NALCN: variants seen among roughly 807,000 people sequenced by gnomAD.
NALCN encodes the protein sodium leak channel, non-selective, also known as sodium leak channel NALCN.
In NALCN, 111 loss-of-function variants were observed where a neutral mutation model predicts 225.3. The ratio of observed to expected loss-of-function variants is 0.49; its 90% CI spans 0.42 to 0.58. The LOEUF (loss-of-function observed/expected upper bound fraction) is 0.58, where lower values mean the gene tolerates loss of function less well. Ranked by LOEUF, NALCN falls within the 20% of genes least tolerant of loss-of-function variation. NALCN has a pLI of 0.00. For synonymous variants in NALCN, 764 were observed against 769.0 expected, an observed-to-expected ratio of 0.99 and a Z score of 0.11; for missense variants, 1,378 against 2,202.4, an observed-to-expected ratio of 0.63 and a Z score of 7.49.
At chr13:101,355,628 T>C (rs766528283) in intron 6 of NALCN, among the ~76,000 whole-genome samples, 4 of 152,084 alleles carry the variant, frequency 2.6e-5, no homozygotes, top group Non-Finnish European at 4.4e-5. Context: ...CTGTCAATAT[T>C]AGACAGATTA....
At chr13:101,097,302 T>C (rs926493336) in intron 27 of NALCN, among the ~76,000 whole-genome samples, 6 of 152,194 alleles carry the variant, frequency 3.9e-5, no homozygotes, top group Non-Finnish European at 7.3e-5. Flanking sequence ...GCTCATAAAG[T>C]TTATATTCTT....
intron 1 of NALCN, among the ~76,000 whole-genome samples, chr13:101,400,597 GCA>G (rs1566655268): frequency 6.6e-6 from 1 of 151,142 alleles, no homozygotes; most frequent in African/African-American, 2.4e-5. Context: ...GTGTGCGCGC[GCA>G]CACAGATGCA....
In NALCN at chr13:101,345,346, G is replaced by T; in HGVS notation, c.719C>A (p.Pro240Gln). The T allele has an allele frequency of 6.2e-7, 1 of 1,613,776 alleles. No homozygotes were observed. The highest frequency in any genetic ancestry group is 8.5e-7 in the Non-Finnish European group (1 of 1,179,806). Residue 240 changes from proline (P) to glutamine (Q), a missense_variant, in exon 7 of 44, where the codon CCA becomes CAA. By Grantham distance (76) the Pro-to-Gln change is moderately conservative. This residue lies in a region of NALCN where 67 missense variants were observed against 82.1 expected (regional missense o/e 0.82). Transcript: ENST00000251127. ...AAGGTCCATGCATTTAAATCCAGGT[G>T]GGCACTGGTAGCCTTCTTCTAGCTC... Reference protein sequence around the residue: ...SPELEEGYQCPPGFKCMDLED... With the variant: ...SPELEEGYQCQPGFKCMDLED...
In NALCN at chr13:101,176,354, A is replaced by G; in HGVS notation, c.1785T>C (p.Val595=). 6.2e-7 allele frequency: 1 copy of G among 1,600,548 alleles called. No homozygotes were observed. Among genetic ancestry groups the G allele is most frequent in the Non-Finnish European group, 8.5e-7 (1 of 1,175,320 alleles). Residue 595 remains valine (V), a synonymous_variant, in exon 15 of 44, where the codon GTT becomes GTC. Transcript: ENST00000251127. ...FATLILLSLF[V]AVILDNLELD... Reference sequence around the variant, plus strand: ...GTTCTAAGTTGTCCAAAATAACAGCAACAAACAAACTCAGGAGGATCTATA... The same window carrying G: ...GTTCTAAGTTGTCCAAAATAACAGCGACAAACAAACTCAGGAGGATCTATA...
At chr13:101,304,299 T>C (rs1481436898) in intron 7 of NALCN, among the ~76,000 whole-genome samples, 1 of 152,188 alleles carries the variant, frequency 6.6e-6, no homozygotes, top group Non-Finnish European at 1.5e-5. Flanking sequence ...CTGGGATACA[T>C]GTGCAGAATG....
intron 17 of NALCN, among the ~76,000 whole-genome samples, chr13:101,141,262 C>T (rs907846439): frequency 6.6e-6 from 1 of 152,170 alleles, no homozygotes; most frequent in Non-Finnish European, 1.5e-5. Flanking sequence ...TGAAAAAAGA[C>T]ATATAAGGTA....
chr13:101,176,854 T>C (rs2038978377), intron 14 of NALCN, among the ~76,000 whole-genome samples: 1 of 152,230 alleles, frequency 6.6e-6, no homozygotes, highest in Non-Finnish European at 1.5e-5. Flanking sequence ...GTAGCTACTC[T>C]TCAAGATGGC....
rs1296991952 is a variant in NALCN at position 101,415,224 on chromosome 13, TAC to T, written c.-40+1087_-40+1088del. On this transcript the variant is annotated intron_variant, in intron 1 of 43. Coordinates refer to ENST00000251127, the MANE Select transcript of NALCN (RefSeq NM_052867.4). ...AATCACACACATATATATATATATA[TAC>T]ATACATATATATTTCAAAATCGCCA... Among the ~76,000 whole-genome samples the T allele has an allele frequency of 1.6e-4, 12 of 76,764 alleles. 1 individual carries two copies. The highest frequency in any genetic ancestry group is 9.1e-4 in the African/African-American group (11 of 12,078). 50.4% of individuals were successfully genotyped at this position (76,764 alleles called of 152,430 possible).
intron 1 of NALCN, among the ~76,000 whole-genome samples, chr13:101,411,785 T>G (rs2047795314): frequency 6.6e-6 from 1 of 152,222 alleles, no homozygotes; most frequent in Non-Finnish European, 1.5e-5. Context: ...AACAATTTTT[T>G]GAACTGTTTT....
chr13:101,266,719 C>T (rs1223859837), intron 10 of NALCN, among the ~76,000 whole-genome samples: 1 of 152,226 alleles, frequency 6.6e-6, no homozygotes, highest in East Asian at 1.9e-4. Flanking sequence ...TCTCAGAAAC[C>T]ATCTTGCATA....
chr13:101,354,299 T>C (rs1156519075), intron 6 of NALCN, among the ~76,000 whole-genome samples: 1 of 152,162 alleles, frequency 6.6e-6, no homozygotes, highest in Non-Finnish European at 1.5e-5. Flanking sequence ...GCCAACATCA[T>C]GCCACTGAAC....
intron 15 of NALCN, among the ~76,000 whole-genome samples, chr13:101,160,168 A>C (rs367595731): frequency 8.6e-5 from 13 of 151,938 alleles, no homozygotes; most frequent in South Asian, 4.2e-4. Flanking sequence ...GTTAGCCAGG[A>C]TGGTCTCGAT....
chr13:101,347,862 T>G (rs2139310626), intron 6 of NALCN, among the ~76,000 whole-genome samples: 1 of 152,308 alleles, frequency 6.6e-6, no homozygotes, highest in Admixed American at 6.5e-5. Context: ...ACTCAAATAA[T>G]GCTTGATCTA....
At chr13:101,384,508 TAC>T (rs1274358552) in intron 3 of NALCN, among the ~76,000 whole-genome samples, 1 of 152,196 alleles carries the variant, frequency 6.6e-6, no homozygotes, top group African/African-American at 2.4e-5. Context: ...TATGCACTGG[TAC>T]AGTTTCATGA....
intron 14 of NALCN, among the ~76,000 whole-genome samples, chr13:101,187,123 A>T (rs2039482335): frequency 6.6e-6 from 1 of 152,316 alleles, no homozygotes; most frequent in South Asian, 2.1e-4. Flanking sequence ...GAAAATATTA[A>T]GACATTTTGA....
chr13:101,107,487 G>A lies in NALCN; in HGVS notation c.2579C>T (p.Ala860Val), dbSNP rs186621340. 112 of 1,614,020 alleles carry A rather than the reference G, an allele frequency of 6.9e-5. No individual in the cohort carries two copies. Among genetic ancestry groups the A allele is most frequent in the African/African-American group, 4.3e-4 (32 of 75,040 alleles). Residue 860 changes from alanine to valine, a missense_variant and splice_region_variant, in exon 22 of 44, where the codon GCA becomes GTA. Ala to Val is a moderately conservative substitution (Grantham distance 64, BLOSUM62 0). Coordinates refer to ENST00000251127, the MANE Select transcript of NALCN (RefSeq NM_052867.4). ...CRVVVRARFN[A>V]SKTDPVTGAV... The stretch of plus-strand genomic sequence containing the variant: ...CCTGGCTGAAATGAAGTGTACTTAC[G>A]CGTTGAAGCGTGCTCGGACCACCAC...
intron 13 of NALCN, among the ~76,000 whole-genome samples, chr13:101,206,248 C>T (rs983956412): frequency 6.6e-6 from 1 of 151,978 alleles, no homozygotes; most frequent in Admixed American, 6.6e-5. Context: ...AAAAAGTAAC[C>T]TGTGTAATCA....
At chr13:101,195,985 T>C (rs2039875172) in intron 13 of NALCN, among the ~76,000 whole-genome samples, 1 of 152,200 alleles carries the variant, frequency 6.6e-6, no homozygotes, top group Admixed American at 6.5e-5. Flanking sequence ...AATATGTTGA[T>C]AGTCAATGTT....
chr13:101,096,086 ATCGCAATC>A (rs1331223833), intron 27 of NALCN, among the ~76,000 whole-genome samples: 2 of 152,162 alleles, frequency 1.3e-5, no homozygotes, highest in African/African-American at 4.8e-5. Flanking sequence ...ATGTGGAGGA[ATCGCAATC>A]CTCATACTGG....
Sources: gnomAD v4.1 joint callset for allele counts (sites outside exome capture counted in the v4.1 genomes callset) on GRCh38, gnomAD v4.1.1 for gene constraint, gnomAD v4.1.1 regional missense constraint, MANE v1.5 for transcripts, NCBI Gene and HGNC (gene_info 2026-07-23, HGNC 2026-07-21) for gene names.